GRIN2A: variants seen among roughly 807,000 people sequenced by gnomAD.
The protein encoded by GRIN2A is glutamate receptor ionotropic, NMDA 2A.
A neutral mutation model predicts 113.4 loss-of-function variants in GRIN2A; 22 were observed. That is an observed-to-expected ratio of 0.19 (90% CI 0.14 to 0.28). GRIN2A has a LOEUF of 0.28. Among genes scored for constraint, GRIN2A ranks in the 10% least tolerant of loss-of-function variants. GRIN2A has a pLI of 1.00. For missense variants in GRIN2A, 1,502 were observed against 1,887.0 expected (o/e 0.80, Z 3.78); for synonymous variants, 827 against 738.4 (o/e 1.12, Z -1.94).
At chr16:10,159,275 A>C (rs1470390081) in intron 2 of GRIN2A, among the ~76,000 whole-genome samples, 2 of 152,136 alleles carry the variant, frequency 1.3e-5, no homozygotes, top group Non-Finnish European at 2.9e-5. Context: ...GACAGAGAGA[A>C]GAAATCCAGA....
intron 2 of GRIN2A, among the ~76,000 whole-genome samples, chr16:10,155,056 T>C (rs1444507899): frequency 6.6e-6 from 1 of 152,202 alleles, no homozygotes; most frequent in Non-Finnish European, 1.5e-5. Flanking sequence ...GCATTGTAAA[T>C]ATCTGAGGAT....
intron 8 of GRIN2A, 69 bp from the exon 9 acceptor site, chr16:9,829,721 G>T: frequency 9.5e-7 from 1 of 1,052,960 alleles, no homozygotes; most frequent in Non-Finnish European, 1.5e-6. Context: ...TGACAACCAC[G>T]CAGCAGCCAC....
intron 5 of GRIN2A, among the ~76,000 whole-genome samples, chr16:9,848,110 CAT>C (rs1049700232): frequency 1.5e-4 from 22 of 145,484 alleles, no homozygotes; most frequent in South Asian, 4.3e-4. Flanking sequence ...TATCTATAAA[CAT>C]ATAGTTTATA....
At chr16:9,917,351 G>A (rs1376227804) in intron 3 of GRIN2A, among the ~76,000 whole-genome samples, 1 of 152,238 alleles carries the variant, frequency 6.6e-6, no homozygotes, top group Non-Finnish European at 1.5e-5. Context: ...TTTCACTGGT[G>A]TATCCCCTGT....
intron 2 of GRIN2A, among the ~76,000 whole-genome samples, chr16:9,967,744 G>A (rs932794623): frequency 2.6e-5 from 4 of 151,960 alleles, no homozygotes; most frequent in African/African-American, 7.3e-5. Flanking sequence ...GGACTTAGGG[G>A]TAGGGAAAGT....
chr16:10,178,196 A>G (rs909701825), intron 2 of GRIN2A, among the ~76,000 whole-genome samples: 1 of 152,162 alleles, frequency 6.6e-6, no homozygotes, highest in African/African-American at 2.4e-5. Flanking sequence ...TTCTCCCTCA[A>G]TGCCTTCTTT....
At chr16:10,126,740 C>T (rs981646246) in intron 2 of GRIN2A, among the ~76,000 whole-genome samples, 1 of 152,050 alleles carries the variant, frequency 6.6e-6, no homozygotes, top group Non-Finnish European at 1.5e-5. Context: ...CTGAAACGAC[C>T]ACAAAGCAAC....
Position 9,754,714 on chromosome 16 carries a change from TAATTA to T in GRIN2A, c.*8430_*8434del, listed in dbSNP as rs1900287543. Reference sequence around the variant, plus strand: ...GAATTAGCTTGACTGAGAACAGAAATAATTAAATAAGTCTTAGATGGCTAATGTAG... The same window carrying T: ...GAATTAGCTTGACTGAGAACAGAAATAATAAGTCTTAGATGGCTAATGTAG... On this transcript the variant is annotated 3_prime_UTR_variant, in exon 13 of 13. Coordinates refer to ENST00000330684, the MANE Select transcript of GRIN2A (RefSeq NM_001134407.3). 1 of 219,298 alleles carries T rather than the reference TAATTA, an allele frequency of 4.6e-6. No individual in the cohort carries two copies. The highest frequency in any genetic ancestry group is 2.2e-5 in the African/African-American group (1 of 44,552). 13.6% of individuals were successfully genotyped at this position (219,298 alleles called of 1,614,324 possible).
At chr16:9,935,598 G>A (rs991493675) in intron 3 of GRIN2A, among the ~76,000 whole-genome samples, 2 of 148,396 alleles carry the variant, frequency 1.3e-5, no homozygotes, top group Admixed American at 1.3e-4. Flanking sequence ...CTGAACTGTA[G>A]CAGATTCAAA....
intron 2 of GRIN2A, among the ~76,000 whole-genome samples, chr16:10,018,528 T>C (rs957046365): frequency 6.6e-6 from 1 of 152,166 alleles, no homozygotes; most frequent in African/African-American, 2.4e-5. Flanking sequence ...TTCTTATAGA[T>C]GGCTGAGAGA....
chr16:9,915,731 T>C (rs2044236492), intron 3 of GRIN2A, among the ~76,000 whole-genome samples: 1 of 152,224 alleles, frequency 6.6e-6, no homozygotes, highest in Admixed American at 6.5e-5. Context: ...ATTATTTGGG[T>C]TTGTGAACTG....
At chr16:9,794,454 C>T (rs1429805148) in intron 11 of GRIN2A, among the ~76,000 whole-genome samples, 1 of 152,144 alleles carries the variant, frequency 6.6e-6, no homozygotes, top group Non-Finnish European at 1.5e-5. Flanking sequence ...CATAATTAAT[C>T]CTGCTGAAGC....
At chr16:10,012,068 CT>C (rs113283307) in intron 2 of GRIN2A, among the ~76,000 whole-genome samples, 2 of 152,234 alleles carry the variant, frequency 1.3e-5, no homozygotes, top group Non-Finnish European at 2.9e-5. Context: ...ATGATTTTGG[CT>C]TTTTTTGTAA....
chr16:9,999,749 G>A (rs894668238), intron 2 of GRIN2A, among the ~76,000 whole-genome samples: 1 of 152,048 alleles, frequency 6.6e-6, no homozygotes, highest in Non-Finnish European at 1.5e-5. Flanking sequence ...ATATAAAAAA[G>A]AAAAGAATCA....
chr16:9,803,810 C>T (rs897679254), intron 10 of GRIN2A, among the ~76,000 whole-genome samples: 2 of 152,182 alleles, frequency 1.3e-5, no homozygotes, highest in Non-Finnish European at 2.9e-5. Context: ...CACCAAAGAC[C>T]ACTGACATAA....
chr16:10,064,338 G>A (rs2047608101), intron 2 of GRIN2A, among the ~76,000 whole-genome samples: 1 of 152,184 alleles, frequency 6.6e-6, no homozygotes, highest in Non-Finnish European at 1.5e-5. Flanking sequence ...TGGTGCATCA[G>A]AACAACGTTG....
At position 10,020,357 on chromosome 16, in the gene GRIN2A, T is replaced by C. The variant is rs569206625; in HGVS notation, c.415-81806A>G. Among the ~76,000 whole-genome samples, 8 of 152,316 alleles carry C rather than the reference T, an allele frequency of 5.3e-5. No homozygotes were observed. The East Asian group carries it at 1.2e-3, about 22-fold the overall frequency. ...GGGCTCAGTTTCTTCATCTGGAGAA[T>C]GGGAATTCTCATACCTAACCTACAT... On this transcript the variant is annotated intron_variant, in intron 2 of 12. Coordinates refer to ENST00000330684, the MANE Select transcript of GRIN2A (RefSeq NM_001134407.3).
At chr16:9,890,734 G>A (rs771259790) in intron 4 of GRIN2A, among the ~76,000 whole-genome samples, 1 of 152,112 alleles carries the variant, frequency 6.6e-6, no homozygotes, top group Non-Finnish European at 1.5e-5. Flanking sequence ...CCTTAGTTCA[G>A]ACCTTTCCTA....
At chr16:9,910,074 A>C (rs1309596166) in intron 3 of GRIN2A, among the ~76,000 whole-genome samples, 1 of 152,220 alleles carries the variant, frequency 6.6e-6, no homozygotes, top group Non-Finnish European at 1.5e-5. Flanking sequence ...TAGTATGGAC[A>C]AAACCACATT....
Sources: gnomAD v4.1 joint callset for allele counts (sites outside exome capture counted in the v4.1 genomes callset) on GRCh38, gnomAD v4.1.1 for gene constraint, MANE v1.5 for transcripts, NCBI Gene and HGNC (gene_info 2026-07-23, HGNC 2026-07-21) for gene names.